AGAP1: variants seen among roughly 807,000 people sequenced by gnomAD.
AGAP1 encodes arf-GAP with GTPase, ANK repeat and PH domain-containing protein 1.
AGAP1 carries 29 observed loss-of-function variants against 105.3 expected under a neutral mutation model. That is an observed-to-expected ratio of 0.28 (90% CI 0.21 to 0.38). AGAP1 has a LOEUF of 0.38. Among genes scored for constraint, AGAP1 ranks in the 10% least tolerant of loss-of-function variants. The pLI, the probability that AGAP1 is intolerant of heterozygous loss-of-function variation, is 1.00. For synonymous variants in AGAP1, 509 were observed against 485.9 expected (o/e 1.05, Z -0.63); for missense variants, 998 against 1,165.1 (o/e 0.86, Z 2.09).
intron 1 of AGAP1, among the ~76,000 whole-genome samples, chr2:235,514,158 G>GCA (rs879849863): frequency 6.0e-5 from 4 of 66,220 alleles, no homozygotes; most frequent in East Asian, 4.1e-4. Flanking sequence ...GCGCGTGCGC[G>GCA]CGCGCACACA....
At chr2:236,060,974 G>A (rs975309507) in intron 16 of AGAP1, among the ~76,000 whole-genome samples, 37 of 151,998 alleles carry the variant, frequency 2.4e-4, no homozygotes, top group African/African-American at 8.7e-4. Flanking sequence ...GAGGTGGGAG[G>A]ACCTCTTGAG....
At position 235,842,188 on chromosome 2, in the gene AGAP1, G is replaced by A. The variant is rs1960940735; in HGVS notation, c.1050+34857G>A. 6.6e-6 allele frequency among the ~76,000 whole-genome samples: 1 copy of A among 152,184 alleles called. No homozygotes were observed. Among genetic ancestry groups the A allele is most frequent in the Non-Finnish European group, 1.5e-5 (1 of 68,030 alleles). On this transcript the variant is annotated intron_variant, in intron 9 of 17. Coordinates refer to ENST00000304032, the MANE Select transcript of AGAP1 (RefSeq NM_001037131.3). The surrounding 1 kb of genome is among the most constrained non-coding windows in gnomAD (Gnocchi z 5.3). ...TCTGGAGCACAGACTCCGTGCTCTGGAGCAAGAGTTCTTCACTGTGGTTCT... is the reference window on the plus strand; with the variant it reads ...TCTGGAGCACAGACTCCGTGCTCTGAAGCAAGAGTTCTTCACTGTGGTTCT...
intron 1 of AGAP1, among the ~76,000 whole-genome samples, chr2:235,669,000 C>T (rs1426923619): frequency 6.6e-6 from 1 of 152,078 alleles, no homozygotes; most frequent in Non-Finnish European, 1.5e-5. Flanking sequence ...GGAATCCTTC[C>T]CCACACATTG....
Position 235,574,891 on chromosome 2 carries a change from G to A in AGAP1, c.163+80042G>A, listed in dbSNP as rs1177850441. On this transcript the variant is annotated intron_variant, in intron 1 of 17. Coordinates refer to ENST00000304032, the MANE Select transcript of AGAP1 (RefSeq NM_001037131.3). This position sits in a 1 kb window ranked among gnomAD's most constrained non-coding sequence, Gnocchi z 5.0. ...TAATTCTAGCACTTAGGGAGGCCGA[G>A]GCAAATGGATCACTTGAGCTCAGGA... Among the ~76,000 whole-genome samples the A allele has an allele frequency of 6.6e-6, 1 of 152,190 alleles. No homozygotes were observed. Among genetic ancestry groups the A allele is most frequent in the Non-Finnish European group, 1.5e-5 (1 of 68,042 alleles).
intron 13 of AGAP1, among the ~76,000 whole-genome samples, chr2:236,018,817 A>G (rs940023836): frequency 6.6e-6 from 1 of 152,206 alleles, no homozygotes; most frequent in Non-Finnish European, 1.5e-5. Context: ...CGCCCCAGCA[A>G]CAGGCCTGGG....
rs542338780 is a variant in AGAP1 at position 235,931,064 on chromosome 2, A to T, written c.1483+141A>T. On this transcript the variant is annotated intron_variant, in intron 12 of 17. Transcript: ENST00000304032. The surrounding 1 kb of genome is among the most constrained non-coding windows in gnomAD (Gnocchi z 5.6). ...TGGGGCGGCTGCATCAGAGACTCAC[A>T]TCTTGCCTTTCATCTGTGGAACGTT... 1.1e-6 allele frequency: 1 copy of T among 948,902 alleles called. No homozygotes were observed. Among genetic ancestry groups the T allele is most frequent in the Non-Finnish European group, 1.5e-6 (1 of 664,438 alleles). The allele number at this position is 948,902 out of a possible 1,614,324, so 58.8% of individuals were successfully genotyped here. A position where few individuals can be genotyped will look rare whatever the true frequency, so the allele number is the denominator to read the frequency against.
At chr2:235,510,432 G>A (rs2149026199) in intron 1 of AGAP1, among the ~76,000 whole-genome samples, 2 of 152,252 alleles carry the variant, frequency 1.3e-5, no homozygotes. Flanking sequence ...TTACTACAGT[G>A]TTTTTATCCT....
chr2:235,981,898 C>T lies in AGAP1; in HGVS notation c.1645+13275C>T, dbSNP rs750854298. 2.6e-5 allele frequency among the ~76,000 whole-genome samples: 4 copies of T among 152,170 alleles called. No homozygotes were observed. Among genetic ancestry groups the T allele is most frequent in the Admixed American group, 6.5e-5 (1 of 15,290 alleles). ...TGGAAGGGGGCGCTTGTCTTTTCAG[C>T]GGTCTTGCCTCCGAATCTTGGCTTG... On this transcript the variant is annotated intron_variant, in intron 13 of 17. Transcript: ENST00000304032. This position sits in a 1 kb window ranked among gnomAD's most constrained non-coding sequence, Gnocchi z 5.5.
At chr2:235,510,111 C>A (rs1310745460) in intron 1 of AGAP1, among the ~76,000 whole-genome samples, 1 of 152,166 alleles carries the variant, frequency 6.6e-6, no homozygotes, top group Admixed American at 6.5e-5. Context: ...CCCACTGATT[C>A]TACGTTATGG....
intron 16 of AGAP1, among the ~76,000 whole-genome samples, chr2:236,111,208 T>C (rs2059629672): frequency 6.6e-6 from 1 of 152,120 alleles, no homozygotes; most frequent in Non-Finnish European, 1.5e-5. Context: ...GCACCCTCAC[T>C]GCAGTGTTTC....
intron 4 of AGAP1, among the ~76,000 whole-genome samples, chr2:235,742,071 G>A (rs1157266943): frequency 6.6e-6 from 1 of 152,172 alleles, no homozygotes; most frequent in Non-Finnish European, 1.5e-5. Flanking sequence ...CACTTCAAAG[G>A]AGCCGAGAGC....
intron 1 of AGAP1, among the ~76,000 whole-genome samples, chr2:235,645,805 G>T (rs1436466251): frequency 6.6e-6 from 1 of 152,208 alleles, no homozygotes; most frequent in Non-Finnish European, 1.5e-5. Flanking sequence ...GAATTTATAG[G>T]AAGGTGATTT....
rs1290920841 is a variant in AGAP1 at position 235,712,158 on chromosome 2, G to C, written c.222+2921G>C. 1.3e-5 allele frequency among the ~76,000 whole-genome samples: 2 copies of C among 152,156 alleles called. No homozygotes were observed. Among genetic ancestry groups the C allele is most frequent in the Non-Finnish European group, 2.9e-5 (2 of 68,024 alleles). ...GTGCCTCAGCCTCCCAAGTAGCTGGGATGACAGGCACCCACCACCACATCT... is the reference window on the plus strand; with the variant it reads ...GTGCCTCAGCCTCCCAAGTAGCTGGCATGACAGGCACCCACCACCACATCT... On this transcript the variant is annotated intron_variant, in intron 2 of 17. Transcript: ENST00000304032. The surrounding 1 kb of genome is among the most constrained non-coding windows in gnomAD (Gnocchi z 6.0).
At position 235,566,597 on chromosome 2, in the gene AGAP1, A is replaced by G; in HGVS notation, c.163+71748A>G. ...TAGATGACCAGTGCTGTGAGTGGGC[A>G]GGTCTGTCTCCTGCCTCTCTTATTT... On this transcript the variant is annotated intron_variant, in intron 1 of 17. Transcript: ENST00000304032. The surrounding 1 kb of genome is among the most constrained non-coding windows in gnomAD (Gnocchi z 5.2). The G allele has an allele frequency of 1.0e-6, 1 of 985,338 alleles. No homozygotes were observed. The highest frequency in any genetic ancestry group is 1.2e-6 in the Non-Finnish European group (1 of 829,862). 61.0% of individuals were successfully genotyped at this position (985,338 alleles called of 1,614,324 possible). A position where few individuals can be genotyped will look rare whatever the true frequency, so the allele number is the denominator to read the frequency against.
At chr2:235,834,177 G>T (rs3934696) in intron 9 of AGAP1, among the ~76,000 whole-genome samples, 1 of 152,130 alleles carries the variant, frequency 6.6e-6, no homozygotes, top group African/African-American at 2.4e-5. Context: ...GGCGCCCCAT[G>T]TGGTGCCTTG....
Position 235,739,061 on chromosome 2 carries a change from C to CA in AGAP1, c.311-1899dup, listed in dbSNP as rs1952424637. 6.6e-6 allele frequency among the ~76,000 whole-genome samples: 1 copy of CA among 152,182 alleles called. No individual in the cohort carries two copies. The highest frequency in any genetic ancestry group is 1.5e-5 in the Non-Finnish European group (1 of 68,024). ...GTTAAAAGAACCTTGGCAGAAATTT[C>CA]AAATAAGACTGGGTCGGGTACTGTT... On this transcript the variant is annotated intron_variant, in intron 3 of 17. Coordinates refer to ENST00000304032, the MANE Select transcript of AGAP1 (RefSeq NM_001037131.3). This position sits in a 1 kb window ranked among gnomAD's most constrained non-coding sequence, Gnocchi z 5.3.
intron 9 of AGAP1, chr2:235,852,750 C>T: frequency 1.3e-6 from 2 of 1,539,866 alleles, no homozygotes; most frequent in Non-Finnish European, 8.8e-7. Flanking sequence ...GGAGCCCGTG[C>T]CCGTCAGTCC....
chr2:235,933,176 GA>G (rs1313284897), intron 12 of AGAP1, among the ~76,000 whole-genome samples: 3 of 152,186 alleles, frequency 2.0e-5, no homozygotes, highest in African/African-American at 7.2e-5. Flanking sequence ...GCTTCCCAAA[GA>G]AAATCAAACT....
Position 235,994,143 on chromosome 2 carries a change from C to T in AGAP1, c.1645+25520C>T, listed in dbSNP as rs2055688595. On this transcript the variant is annotated intron_variant, in intron 13 of 17. Transcript: ENST00000304032. The surrounding 1 kb of genome is among the most constrained non-coding windows in gnomAD (Gnocchi z 4.4). ...AGGTTAGGCACTCTTTCTGTATTCC[C>T]CAAAGCTTCATAACATGGTTCCATA... Among the ~76,000 whole-genome samples, 1 of 152,166 alleles carries T rather than the reference C, an allele frequency of 6.6e-6. No homozygotes were observed. Among genetic ancestry groups the T allele is most frequent in the South Asian group, 2.1e-4 (1 of 4,828 alleles).
Sources: gnomAD v4.1 joint callset for allele counts (sites outside exome capture counted in the v4.1 genomes callset) on GRCh38, gnomAD v4.1.1 for gene constraint, Gnocchi (gnomAD v3.1) non-coding constraint, MANE v1.5 for transcripts, NCBI Gene and HGNC (gene_info 2026-07-23, HGNC 2026-07-21) for gene names.